Variants in PAK1 observed in about 807,000 individuals in gnomAD.
PAK1 encodes the protein serine/threonine-protein kinase PAK 1.
A neutral mutation model predicts 67.4 loss-of-function variants in PAK1; 29 were observed. The ratio of observed to expected loss-of-function variants is 0.43; its 90% confidence interval spans 0.32 to 0.59. The LOEUF (loss-of-function observed/expected upper bound fraction) is 0.59, where lower values mean the gene tolerates loss of function less well. PAK1 is among the 20% of genes least tolerant of loss of function. The pLI, the probability that PAK1 is intolerant of heterozygous loss-of-function variation, is 0.07. For synonymous variants in PAK1, 223 were observed against 237.4 expected (o/e 0.94, Z 0.56); for missense variants, 337 against 670.7 (o/e 0.50, Z 5.50).
chr11:77,341,879 T>TA (rs1267128010), intron 10 of PAK1, among the ~76,000 whole-genome samples: 3 of 152,224 alleles, frequency 2.0e-5, no homozygotes, highest in Admixed American at 6.5e-5. Context: ...GCTCTTTCCA[T>TA]AAAACTCTGT....
intron 1 of PAK1, among the ~76,000 whole-genome samples, chr11:77,411,184 C>T (rs896956670): frequency 2.6e-5 from 4 of 152,030 alleles, no homozygotes; most frequent in African/African-American, 9.7e-5. Context: ...GTTCTCCTCT[C>T]TTCTACAGTG....
chr11:77,521,917 G>A, the PAK1 span, among the ~76,000 whole-genome samples: 6 of 152,144 alleles, frequency 3.9e-5, no homozygotes, highest in African/African-American at 2.4e-5. Flanking sequence ...AGGGTTAGCC[G>A]AAAATGTAGG....
At chr11:77,496,992 T>C in the PAK1 span, among the ~76,000 whole-genome samples, 1 of 152,210 alleles carries the variant, frequency 6.6e-6, no homozygotes, top group Non-Finnish European at 1.5e-5. Context: ...CCAGTCTCAG[T>C]AGCCTCCTTT....
At chr11:77,326,323 C>T (rs1217638018) in intron 14 of PAK1, among the ~76,000 whole-genome samples, 1 of 152,182 alleles carries the variant, frequency 6.6e-6, no homozygotes, top group Non-Finnish European at 1.5e-5. Flanking sequence ...AGTAGAGTAT[C>T]ATTGCCATTA....
intron 5 of PAK1, among the ~76,000 whole-genome samples, chr11:77,370,490 C>T (rs1948284722): frequency 6.6e-6 from 1 of 152,176 alleles, no homozygotes; most frequent in African/African-American, 2.4e-5. Flanking sequence ...AATTAATTTA[C>T]CCTTGAAGAT....
intron 5 of PAK1, among the ~76,000 whole-genome samples, chr11:77,360,922 G>A (rs2602473): frequency 0.11 from 16,632 of 152,104 alleles, 2,210 homozygotes; most frequent in African/African-American, 0.3. Flanking sequence ...AGAGATGTAA[G>A]GAATCAATTA....
chr11:77,353,879 G>A (rs964640060), intron 7 of PAK1, among the ~76,000 whole-genome samples: 6 of 152,026 alleles, frequency 3.9e-5, no homozygotes, highest in East Asian at 3.9e-4. Flanking sequence ...CATTTAATAC[G>A]CACCAAGCCA....
intron 1 of PAK1, chr11:77,411,773 C>T (rs1012713773): frequency 1.3e-5 from 2 of 152,308 alleles, no homozygotes; most frequent in Non-Finnish European, 2.9e-5. Context: ...GCCGGCATTA[C>T]CTGGTGGGGA....
chr11:77,340,792 A>T, intron 10 of PAK1, 29 bp from the exon 11 acceptor site: 1 of 1,178,692 alleles, frequency 8.5e-7, no homozygotes, highest in Non-Finnish European at 1.3e-6. Flanking sequence ...AGGGTGAGAG[A>T]GAACAATCAG....
At chr11:77,332,478 C>T (rs879376305) in intron 14 of PAK1, among the ~76,000 whole-genome samples, 2 of 149,922 alleles carry the variant, frequency 1.3e-5, no homozygotes, top group Non-Finnish European at 3.0e-5. Context: ...AAGCAAAGCT[C>T]AATAGGTGCT....
intron 1 of PAK1, among the ~76,000 whole-genome samples, chr11:77,472,210 C>T (rs1018131103): frequency 1.3e-5 from 2 of 152,124 alleles, no homozygotes; most frequent in Non-Finnish European, 2.9e-5. Context: ...CCCATGAGCT[C>T]ATGTAGTTAA....
intron 1 of PAK1, among the ~76,000 whole-genome samples, chr11:77,399,858 CAAAAAAAAA>C (rs34662738): frequency 6.6e-4 from 28 of 42,374 alleles, no homozygotes; most frequent in East Asian, 2.8e-3. Context: ...GACTCCGTCT[CAAAAAAAAA>C]AAAAAAAAAA....
intron 1 of PAK1, among the ~76,000 whole-genome samples, chr11:77,412,928 A>C (rs1954715871): frequency 6.6e-6 from 1 of 152,218 alleles, no homozygotes; most frequent in Non-Finnish European, 1.5e-5. Context: ...GAGCTGAACA[A>C]CACATTATAG....
chr11:77,353,681 G>A (rs1269874443), intron 7 of PAK1, 82 bp from the exon 8 acceptor site: 8 of 1,068,490 alleles, frequency 7.5e-6, no homozygotes, highest in Non-Finnish European at 1.0e-5. Flanking sequence ...AACCCCTGTA[G>A]CTGGCAAGGG....
chr11:77,451,866 T>C (rs948874287), intron 1 of PAK1, among the ~76,000 whole-genome samples: 7 of 142,806 alleles, frequency 4.9e-5, no homozygotes, highest in Admixed American at 2.0e-4. Context: ...CCCAAAGTGC[T>C]GGGATTACAG....
chr11:77,509,648 A>G, the PAK1 span, among the ~76,000 whole-genome samples: 1 of 152,150 alleles, frequency 6.6e-6, no homozygotes. Flanking sequence ...GTGTTGGTTC[A>G]TGGCGGGTGG....
chr11:77,362,874 G>A (rs970611518), intron 5 of PAK1, among the ~76,000 whole-genome samples: 5 of 152,202 alleles, frequency 3.3e-5, no homozygotes, highest in African/African-American at 7.2e-5. Flanking sequence ...TGTGAAGGAA[G>A]ATGCCAAAAT....
chr11:77,327,908 C>T (rs1469459887), intron 14 of PAK1, among the ~76,000 whole-genome samples: 2 of 152,128 alleles, frequency 1.3e-5, no homozygotes, highest in African/African-American at 2.4e-5. Context: ...TGCAGAGACA[C>T]ACATAGGCTC....
At chr11:77,381,182 G>GT (rs1442039950) in intron 2 of PAK1, among the ~76,000 whole-genome samples, 2 of 146,626 alleles carry the variant, frequency 1.4e-5, no homozygotes, top group African/African-American at 5.5e-5. Context: ...TGTGTAGAGA[G>GT]AGAGAGAGAA....
Sources: gnomAD v4.1 joint callset for allele counts (sites outside exome capture counted in the v4.1 genomes callset) on GRCh38, gnomAD v4.1.1 for gene constraint, MANE v1.5 for transcripts, NCBI Gene and HGNC (gene_info 2026-07-23, HGNC 2026-07-21) for gene names.